PCDH9: variants seen among roughly 807,000 people sequenced by gnomAD.
The protein encoded by PCDH9 is protocadherin-9.
PCDH9 carries 24 observed loss-of-function variants against 70.6 expected under a neutral mutation model. The ratio of observed to expected loss-of-function variants is 0.34; its 90% CI spans 0.25 to 0.48. PCDH9 has a LOEUF of 0.48. Ranked by LOEUF, PCDH9 falls within the 20% of genes least tolerant of loss-of-function variation. PCDH9 has a pLI of 0.99. For synonymous variants in PCDH9, 562 were observed against 558.5 expected (o/e 1.01, Z -0.09); for missense variants, 1,281 against 1,503.6 (o/e 0.85, Z 2.45).
At chr13:67,162,142 T>C (rs1051119881) in intron 2 of PCDH9, among the ~76,000 whole-genome samples, 1 of 152,212 alleles carries the variant, frequency 6.6e-6, no homozygotes, top group African/African-American at 2.4e-5. Flanking sequence ...TCCTTGGCTT[T>C]ATTTCTTCCA....
At chr13:66,665,122 T>TGAGACGGAG (rs2078076245) in intron 3 of PCDH9, among the ~76,000 whole-genome samples, 1 of 151,612 alleles carries the variant, frequency 6.6e-6, no homozygotes. Flanking sequence ...TTTTTTTTTT[T>TGAGACGGAG]TGAGACGGAG....
At chr13:66,979,641 TCTA>T (rs771937365) in intron 2 of PCDH9, among the ~76,000 whole-genome samples, 244 of 152,262 alleles carry the variant, frequency 1.6e-3, no homozygotes, top group Admixed American at 3.7e-3. Context: ...CTTCAAGATC[TCTA>T]CTTTCTCTTC....
chr13:66,540,731 A>G (rs930830400), intron 4 of PCDH9, among the ~76,000 whole-genome samples: 1 of 152,214 alleles, frequency 6.6e-6, no homozygotes, highest in Admixed American at 6.5e-5. Context: ...TATGCCTTAG[A>G]TATACAATAA....
At chr13:67,122,858 G>T (rs907220339) in intron 2 of PCDH9, among the ~76,000 whole-genome samples, 2 of 151,370 alleles carry the variant, frequency 1.3e-5, no homozygotes, top group Non-Finnish European at 2.9e-5. Context: ...GTTTTCCAGG[G>T]AAATCAGACA....
chr13:66,351,847 C>G (rs1290884254), intron 4 of PCDH9, among the ~76,000 whole-genome samples: 1 of 148,288 alleles, frequency 6.7e-6, no homozygotes, highest in African/African-American at 2.5e-5. Context: ...CTTTTCTTTT[C>G]TTTTTTTTTA....
At chr13:66,554,425 A>G (rs9571596) in intron 4 of PCDH9, among the ~76,000 whole-genome samples, 81,501 of 151,964 alleles carry the variant, frequency 0.54, 22,278 homozygotes, top group East Asian at 0.67. Context: ...AGGCTATTAC[A>G]TATTTCTAAT....
intron 4 of PCDH9, among the ~76,000 whole-genome samples, chr13:66,501,079 G>A (rs975017205): frequency 9.9e-5 from 15 of 152,100 alleles, no homozygotes; most frequent in African/African-American, 3.6e-4. Context: ...TAATCACCAA[G>A]AACTTCTAAC....
At chr13:66,486,637 GAAAAA>G (rs35868123) in intron 4 of PCDH9, among the ~76,000 whole-genome samples, 7 of 116,098 alleles carry the variant, frequency 6.0e-5, no homozygotes, top group African/African-American at 2.0e-4. Context: ...TGCTATCTCA[GAAAAA>G]AAAAAAAAAA....
chr13:66,718,546 G>A (rs368554867), intron 3 of PCDH9, among the ~76,000 whole-genome samples: 78 of 152,242 alleles, frequency 5.1e-4, no homozygotes, highest in African/African-American at 1.8e-3. Context: ...GACAAAACAT[G>A]TTTCTATTAT....
At chr13:66,565,028 A>C (rs1410412259) in intron 4 of PCDH9, among the ~76,000 whole-genome samples, 1 of 152,052 alleles carries the variant, frequency 6.6e-6, no homozygotes, top group Non-Finnish European at 1.5e-5. Context: ...CAATATCATA[A>C]AATGTGTACA....
chr13:66,512,127 G>C (rs1489733824), intron 4 of PCDH9, among the ~76,000 whole-genome samples: 1 of 151,832 alleles, frequency 6.6e-6, no homozygotes, highest in East Asian at 1.9e-4. Context: ...AATCATATTT[G>C]TATTCATACT....
chr13:67,165,846 G>A (rs1223315186), intron 2 of PCDH9, among the ~76,000 whole-genome samples: 2 of 152,060 alleles, frequency 1.3e-5, no homozygotes, highest in Non-Finnish European at 2.9e-5. Context: ...TTTCATTAGT[G>A]TAACAAATCA....
chr13:67,087,160 CTT>C (rs1446282836), intron 2 of PCDH9, among the ~76,000 whole-genome samples: 1 of 149,736 alleles, frequency 6.7e-6, no homozygotes, highest in Non-Finnish European at 1.5e-5. Context: ...ATTAAGATCT[CTT>C]TGCATGGTTT....
At chr13:66,485,930 G>A (rs989035964) in intron 4 of PCDH9, among the ~76,000 whole-genome samples, 18 of 151,900 alleles carry the variant, frequency 1.2e-4, no homozygotes, top group Non-Finnish European at 1.5e-5. Context: ...GTTTCACCAT[G>A]TTGGCCACGC....
intron 3 of PCDH9, among the ~76,000 whole-genome samples, chr13:66,798,136 T>A (rs1225982491): frequency 2.6e-5 from 4 of 152,118 alleles, no homozygotes; most frequent in Non-Finnish European, 5.9e-5. Flanking sequence ...TTTTCTTGTT[T>A]TTCCAAATAT....
intron 3 of PCDH9, among the ~76,000 whole-genome samples, chr13:66,897,528 G>T (rs186331846): frequency 7.3e-4 from 111 of 152,140 alleles, no homozygotes; most frequent in Admixed American, 2.2e-3. Context: ...GATCAAATAT[G>T]CCTGTTTTCA....
chr13:66,337,849 C>T (rs1956062690), intron 4 of PCDH9, among the ~76,000 whole-genome samples: 1 of 151,946 alleles, frequency 6.6e-6, no homozygotes, highest in Non-Finnish European at 1.5e-5. Flanking sequence ...CATTTTTAGC[C>T]TGATGTTGGA....
chr13:66,369,493 G>T (rs1320995068), intron 4 of PCDH9, among the ~76,000 whole-genome samples: 1 of 152,032 alleles, frequency 6.6e-6, no homozygotes, highest in Non-Finnish European at 1.5e-5. Flanking sequence ...CAAGTTTCTT[G>T]ATGTAGAGAA....
At chr13:66,665,876 T>G (rs918136539) in intron 3 of PCDH9, among the ~76,000 whole-genome samples, 2 of 151,504 alleles carry the variant, frequency 1.3e-5, no homozygotes, top group African/African-American at 4.9e-5. Flanking sequence ...TATTCTCCAC[T>G]AAGGGTAAGT....
Sources: gnomAD v4.1 joint callset for allele counts (sites outside exome capture counted in the v4.1 genomes callset) on GRCh38, gnomAD v4.1.1 for gene constraint, MANE v1.5 for transcripts, NCBI Gene and HGNC (gene_info 2026-07-23, HGNC 2026-07-21) for gene names.